Variants in STXBP3 observed in about 807,000 individuals in gnomAD.
STXBP3 encodes the protein syntaxin binding protein 3.
A neutral mutation model predicts 85.7 loss-of-function variants in STXBP3; 41 were observed. The ratio of observed to expected loss-of-function variants is 0.48; its 90% CI spans 0.37 to 0.62. The LOEUF (loss-of-function observed/expected upper bound fraction) is 0.62. STXBP3 is among the 20% of genes least tolerant of loss of function. The pLI is 0.00. For missense variants in STXBP3, 563 were observed against 703.1 expected, an observed-to-expected ratio of 0.80 and a Z score of 2.25; for synonymous variants, 229 against 231.7, an observed-to-expected ratio of 0.99 and a Z score of 0.10.
intron 6 of STXBP3, among the ~76,000 whole-genome samples, chr1:108,760,545 A>G (rs975357222): frequency 3.3e-5 from 5 of 152,314 alleles, no homozygotes; most frequent in South Asian, 2.1e-4. Context: ...AATAATAGCA[A>G]TGATTATAAT....
At position 108,782,640 on chromosome 1, in the gene STXBP3, A is replaced by G. The variant is rs1179901993; in HGVS notation, c.906-9A>G. 5.0e-6 allele frequency: 8 copies of G among 1,607,056 alleles called. No individual in the cohort carries two copies. Among genetic ancestry groups the G allele is most frequent in the Non-Finnish European group, 6.8e-6 (8 of 1,178,076 alleles). ...TAGAAATTTAAAGAATTCTCTCACA[A>G]TTTGACAGGGAAATTCCCAAGCTTA... On this transcript the variant is annotated splice_polypyrimidine_tract_variant and intron_variant, in intron 10 of 18. Coordinates refer to ENST00000370008, the MANE Select transcript of STXBP3 (RefSeq NM_007269.4).
intron 6 of STXBP3, among the ~76,000 whole-genome samples, chr1:108,770,828 A>C (rs1245956316): frequency 6.6e-6 from 1 of 152,104 alleles, no homozygotes; most frequent in Non-Finnish European, 1.5e-5. Context: ...TAAGTAAATT[A>C]TTTTGTTAAT....
intron 6 of STXBP3, among the ~76,000 whole-genome samples, chr1:108,762,173 T>C (rs1375170714): frequency 6.6e-6 from 1 of 152,206 alleles, no homozygotes; most frequent in African/African-American, 2.4e-5. Flanking sequence ...AGCAGTCTAC[T>C]GTGAAAAGAT....
intron 6 of STXBP3, among the ~76,000 whole-genome samples, chr1:108,771,363 T>C (rs1462182253): frequency 7.5e-6 from 1 of 132,636 alleles, no homozygotes; most frequent in Non-Finnish European, 1.6e-5. Flanking sequence ...TTTCTTGATA[T>C]ATATCTATAT....
At chr1:108,803,969 CT>C (rs973360471) in intron 17 of STXBP3, among the ~76,000 whole-genome samples, 3 of 152,086 alleles carry the variant, frequency 2.0e-5, no homozygotes, top group Non-Finnish European at 4.4e-5. Flanking sequence ...AGTCTTGTAC[CT>C]TTGTAAATAA....
At chr1:108,773,322 TG>T (rs1481375381) in intron 7 of STXBP3, among the ~76,000 whole-genome samples, 2 of 152,158 alleles carry the variant, frequency 1.3e-5, no homozygotes, top group African/African-American at 4.8e-5. Context: ...GTGCCTAAAT[TG>T]TCTATACAGT....
intron 18 of STXBP3, among the ~76,000 whole-genome samples, chr1:108,808,338 T>TC (rs1349741540): frequency 6.6e-6 from 1 of 152,070 alleles, no homozygotes; most frequent in Non-Finnish European, 1.5e-5. Context: ...AAAGCAAAAC[T>TC]CCGTCTCTAC....
rs1351220266 is a variant in STXBP3, at chr1:108,771,575, G to C, written c.439-1090G>C. Among the ~76,000 whole-genome samples the C allele has an allele frequency of 1.5e-3, 37 of 25,010 alleles. 4 individuals are homozygous for C. The South Asian group carries it at 0.024, about 16-fold the overall frequency. The allele number at this position is 25,010 out of a possible 152,430, so 16.4% of individuals were successfully genotyped here. On this transcript the variant is annotated intron_variant, in intron 6 of 18. Coordinates refer to ENST00000370008, the MANE Select transcript of STXBP3 (RefSeq NM_007269.4). Reference sequence around the variant, plus strand: ...ATATATATGATATATAAATATATATGATATATATCTATATATATCATATAT... The same window carrying C: ...ATATATATGATATATAAATATATATCATATATATCTATATATATCATATAT...
intron 3 of STXBP3, 145 bp from the exon 4 acceptor site, chr1:108,756,545 T>G (rs936325430): frequency 2.5e-6 from 1 of 402,310 alleles, no homozygotes; most frequent in Non-Finnish European, 4.3e-6. Flanking sequence ...AAGAAAATGT[T>G]AAACCCAGTA....
In STXBP3 at chr1:108,773,084, T is replaced by C. The variant is rs150154534; in HGVS notation, c.593+265T>C. On this transcript the variant is annotated intron_variant, in intron 7 of 18. Coordinates refer to ENST00000370008, the MANE Select transcript of STXBP3 (RefSeq NM_007269.4). ...TAAAGAACGCTTAGAGGAAATGTCT[T>C]TATAGTCACATAGGGAATACAGTGT... 6.3e-4 allele frequency among the ~76,000 whole-genome samples: 96 copies of C among 152,270 alleles called. 3 individuals are homozygous for C. In the East Asian group the frequency reaches 0.016, roughly 25 times the overall value.
intron 6 of STXBP3, among the ~76,000 whole-genome samples, chr1:108,765,316 AAAAC>A (rs373145912): frequency 4.6e-5 from 7 of 152,346 alleles, no homozygotes; most frequent in African/African-American, 1.4e-4. Flanking sequence ...TTGTCAGTAG[AAAAC>A]AAACAGGAGC....
chr1:108,788,200 A>G (rs1328344009), intron 11 of STXBP3, among the ~76,000 whole-genome samples: 4 of 152,206 alleles, frequency 2.6e-5, no homozygotes, highest in African/African-American at 9.6e-5. Context: ...AATTACATTT[A>G]TTGACTTACT....
At chr1:108,768,105 C>T (rs914564776) in intron 6 of STXBP3, among the ~76,000 whole-genome samples, 4 of 152,074 alleles carry the variant, frequency 2.6e-5, no homozygotes, top group East Asian at 1.9e-4. Flanking sequence ...ATCTTGTAGT[C>T]GGCCACAAAA....
chr1:108,802,681 C>A (rs985098196), intron 17 of STXBP3, among the ~76,000 whole-genome samples: 3 of 152,196 alleles, frequency 2.0e-5, no homozygotes, highest in Non-Finnish European at 4.4e-5. Context: ...TTGTTGTCTG[C>A]CTATGGTTTC....
chr1:108,782,751 T>C, intron 11 of STXBP3, 45 bp downstream of exon 11: 1 of 1,495,764 alleles, frequency 6.7e-7, no homozygotes, highest in Non-Finnish European at 9.1e-7. Flanking sequence ...AAGGTGAATT[T>C]TAAAGTTTGT....
At chr1:108,752,622 C>CTCCT (rs1258352155) in intron 2 of STXBP3, among the ~76,000 whole-genome samples, 2 of 152,166 alleles carry the variant, frequency 1.3e-5, no homozygotes, top group Non-Finnish European at 2.9e-5. Flanking sequence ...ATAGCTGTGG[C>CTCCT]TCCTTGCACA....
chr1:108,794,994 A>G, intron 13 of STXBP3, 87 bp downstream of exon 13: 2 of 1,220,250 alleles, frequency 1.6e-6, no homozygotes, highest in Non-Finnish European at 2.3e-6. Flanking sequence ...TGCTTGATAC[A>G]GTGGTTGGTT....
intron 5 of STXBP3, 27 bp from the exon 6 acceptor site, chr1:108,759,958 A>T: frequency 7.4e-7 from 1 of 1,346,054 alleles, no homozygotes; most frequent in Non-Finnish European, 1.0e-6. Flanking sequence ...AGATGTAACT[A>T]TATGCTTTGT....
intron 7 of STXBP3, among the ~76,000 whole-genome samples, 159 bp from the exon 8 acceptor site, chr1:108,776,174 T>C (rs930337365): frequency 3.0e-4 from 45 of 152,284 alleles, no homozygotes; most frequent in Non-Finnish European, 6.0e-4. Context: ...GATATAAGAT[T>C]ATTTGATACA....
Sources: gnomAD v4.1 joint callset for allele counts (sites outside exome capture counted in the v4.1 genomes callset) on GRCh38, gnomAD v4.1.1 for gene constraint, MANE v1.5 for transcripts, NCBI Gene and HGNC (gene_info 2026-07-23, HGNC 2026-07-21) for gene names.